Variants in FAM184A observed in about 807,000 individuals in gnomAD.
FAM184A encodes protein FAM184A.
In FAM184A, 99 loss-of-function variants were observed where a neutral mutation model predicts 143.8. The observed-to-expected ratio is 0.69, with a 90% CI of 0.58 to 0.81. The LOEUF (loss-of-function observed/expected upper bound fraction) is 0.81. Ranked by LOEUF, FAM184A falls within the 40% of genes least tolerant of loss-of-function variation. FAM184A has a pLI of 0.00. For missense variants in FAM184A, 1,217 were observed against 1,310.5 expected (o/e 0.93, Z 1.10); for synonymous variants, 427 against 446.4 (o/e 0.96, Z 0.55).
At chr6:118,992,373 T>C (rs1298287534) in intron 9 of FAM184A, among the ~76,000 whole-genome samples, 1 of 152,152 alleles carries the variant, frequency 6.6e-6, no homozygotes, top group African/African-American at 2.4e-5. Context: ...AGCCTCAGAT[T>C]CATGTGTTGA....
intron 1 of FAM184A, among the ~76,000 whole-genome samples, chr6:119,130,044 A>T (rs978870314): frequency 6.6e-6 from 1 of 151,458 alleles, no homozygotes; most frequent in East Asian, 2.0e-4. Flanking sequence ...GGTTTTAAAC[A>T]TTTTTTTTTA....
chr6:118,966,035 C>T (rs1371865746), intron 15 of FAM184A, among the ~76,000 whole-genome samples: 1 of 152,150 alleles, frequency 6.6e-6, no homozygotes, highest in Non-Finnish European at 1.5e-5. Context: ...TGGATTCTAC[C>T]TGTGATCCCC....
At position 119,046,897 on chromosome 6, in the gene FAM184A, A is replaced by T. The variant is rs1786556003; in HGVS notation, c.160-22084T>A. On this transcript the variant is annotated intron_variant, in intron 1 of 17. Transcript: ENST00000338891. ...TGAACAAATGGGATTACATCAAGGT[A>T]AAAAGCTTCTGCACAGCAAAGGATA... Among the ~76,000 whole-genome samples, 6 of 152,336 alleles carry T rather than the reference A, an allele frequency of 3.9e-5. No homozygotes were observed. In the South Asian group the frequency reaches 1.2e-3, roughly 32 times the overall value.
At chr6:119,020,491 TA>T (rs2114681630) in intron 3 of FAM184A, among the ~76,000 whole-genome samples, 1 of 152,292 alleles carries the variant, frequency 6.6e-6, no homozygotes, top group East Asian at 1.9e-4. Context: ...AACTCCTCAG[TA>T]GGCTTCATAA....
In FAM184A at chr6:119,024,205, C is replaced by G; in HGVS notation, c.768G>C (p.Gln256His). ...EDYEGKLNKA[Q>H]SFYERELDTL... Reference sequence around the variant, plus strand: ...TATCAAGCTCACGTTCATAAAAGGACTGAGCTTTATTCAACTTGCCTTCAT... The same window carrying G: ...TATCAAGCTCACGTTCATAAAAGGAGTGAGCTTTATTCAACTTGCCTTCAT... Residue 256 changes from glutamine (Q) to histidine (H), a missense_variant, in exon 2 of 18, where the codon CAG (glutamine) becomes CAC (histidine). Gln to His is a conservative substitution (Grantham distance 24). Coordinates refer to ENST00000338891, the MANE Select transcript of FAM184A (RefSeq NM_024581.6). 1 of 1,614,234 alleles carries G rather than the reference C, an allele frequency of 6.2e-7. No individual in the cohort carries two copies. Among genetic ancestry groups the G allele is most frequent in the South Asian group, 1.1e-5 (1 of 91,088 alleles).
upstream of FAM184A, among the ~76,000 whole-genome samples, chr6:119,080,910 T>C (rs929702476): frequency 6.6e-6 from 1 of 152,192 alleles, no homozygotes; most frequent in Admixed American, 6.5e-5. Flanking sequence ...ACAGGAATCA[T>C]AGAAGCTTCT....
chr6:118,977,862 T>C (rs556496832), intron 11 of FAM184A, among the ~76,000 whole-genome samples: 1 of 152,374 alleles, frequency 6.6e-6, no homozygotes, highest in East Asian at 1.9e-4. Flanking sequence ...GAGATCTCTG[T>C]AGTATTTCTT....
At chr6:118,976,348 T>C (rs1783846707) in intron 11 of FAM184A, among the ~76,000 whole-genome samples, 1 of 152,160 alleles carries the variant, frequency 6.6e-6, no homozygotes, top group Admixed American at 6.5e-5. Flanking sequence ...GTATTTTTAA[T>C]TCGTCTCTTT....
At chr6:119,147,532 C>A (rs1397195352) in intron 1 of FAM184A, among the ~76,000 whole-genome samples, 1 of 152,142 alleles carries the variant, frequency 6.6e-6, no homozygotes, top group Non-Finnish European at 1.5e-5. Context: ...ACAGACCAGA[C>A]CACATGTAAA....
chr6:119,004,739 G>C (rs1784869718), intron 7 of FAM184A, among the ~76,000 whole-genome samples: 1 of 152,126 alleles, frequency 6.6e-6, no homozygotes, highest in African/African-American at 2.4e-5. Flanking sequence ...TTCTCCAGCA[G>C]AACAGAAAAT....
chr6:119,035,659 T>C (rs948801825), intron 1 of FAM184A, among the ~76,000 whole-genome samples: 3 of 152,120 alleles, frequency 2.0e-5, no homozygotes, highest in African/African-American at 7.2e-5. Context: ...ACCTGGAGGC[T>C]TCATCTGCAT....
chr6:119,141,983 A>G (rs1197420875), intron 1 of FAM184A, among the ~76,000 whole-genome samples: 1 of 152,192 alleles, frequency 6.6e-6, no homozygotes, highest in Admixed American at 6.5e-5. Flanking sequence ...TCACCCCTTA[A>G]TTGTATCTCT....
At chr6:118,962,085 G>T in intron 16 of FAM184A, 122 bp from the exon 17 acceptor site, 1 of 892,866 alleles carries the variant, frequency 1.1e-6, no homozygotes, top group Non-Finnish European at 1.8e-6. Context: ...AAATTAAAAT[G>T]TTAATTAACC....
chr6:118,975,566 G>A (rs1366768225), intron 12 of FAM184A, among the ~76,000 whole-genome samples: 1 of 152,224 alleles, frequency 6.6e-6, no homozygotes, highest in East Asian at 1.9e-4. Flanking sequence ...TGATTTTGAA[G>A]AATAATTGTG....
chr6:119,105,421 T>A (rs921694098), intron 1 of FAM184A, among the ~76,000 whole-genome samples: 1 of 152,086 alleles, frequency 6.6e-6, no homozygotes, highest in Non-Finnish European at 1.5e-5. Context: ...TGTGTGGCAT[T>A]TCCCCCCTCA....
intron 1 of FAM184A, among the ~76,000 whole-genome samples, chr6:119,074,309 A>G (rs1290565150): frequency 6.6e-6 from 1 of 152,210 alleles, no homozygotes; most frequent in African/African-American, 2.4e-5. Context: ...TAAAAAGGCA[A>G]TAATACCCCC....
At chr6:119,003,859 A>G (rs548035779) in intron 7 of FAM184A, among the ~76,000 whole-genome samples, 3 of 152,230 alleles carry the variant, frequency 2.0e-5, no homozygotes, top group Non-Finnish European at 2.9e-5. Flanking sequence ...TATATCACAA[A>G]TTATTTAAAT....
At chr6:119,038,113 G>A (rs897846154) in intron 1 of FAM184A, among the ~76,000 whole-genome samples, 30 of 152,218 alleles carry the variant, frequency 2.0e-4, no homozygotes, top group African/African-American at 7.0e-4. Flanking sequence ...ATAACAGGAG[G>A]TTGTTTTCTA....
intron 14 of FAM184A, among the ~76,000 whole-genome samples, chr6:118,968,241 A>T (rs1783559469): frequency 6.6e-6 from 1 of 152,164 alleles, no homozygotes; most frequent in African/African-American, 2.4e-5. Context: ...AAATACACTA[A>T]CACTAATGAT....
Sources: gnomAD v4.1 joint callset for allele counts (sites outside exome capture counted in the v4.1 genomes callset) on GRCh38, gnomAD v4.1.1 for gene constraint, MANE v1.5 for transcripts, NCBI Gene and HGNC (gene_info 2026-07-23, HGNC 2026-07-21) for gene names.